PLD5: variants seen among roughly 807,000 people sequenced by gnomAD.
The protein encoded by PLD5 is phospholipase D family member 5.
In PLD5, 36 loss-of-function variants were observed where a neutral mutation model predicts 61.1. That is an observed-to-expected ratio of 0.59 (90% confidence interval 0.45 to 0.78). The LOEUF (loss-of-function observed/expected upper bound fraction) is 0.78. Among genes scored for constraint, PLD5 ranks in the 30% least tolerant of loss-of-function variants. The pLI is 0.00. For synonymous variants in PLD5, 243 were observed against 242.8 expected, an observed-to-expected ratio of 1.00 and a Z score of -0.01; for missense variants, 515 against 644.4, an observed-to-expected ratio of 0.80 and a Z score of 2.17.
chr1:242,202,708 A>G (rs1669057252), intron 5 of PLD5, among the ~76,000 whole-genome samples: 1 of 152,218 alleles, frequency 6.6e-6, no homozygotes, highest in African/African-American at 2.4e-5. Context: ...TTATATGGCT[A>G]CTGAACACAC....
intron 9 of PLD5, among the ~76,000 whole-genome samples, chr1:242,096,342 T>C (rs1660225175): frequency 6.6e-6 from 1 of 151,658 alleles, no homozygotes; most frequent in Non-Finnish European, 1.5e-5. Context: ...TTTCCCTTTC[T>C]CTTTTTCTTT....
chr1:242,274,455 C>G (rs1286099139), intron 3 of PLD5, among the ~76,000 whole-genome samples: 1 of 152,156 alleles, frequency 6.6e-6, no homozygotes, highest in Non-Finnish European at 1.5e-5. Flanking sequence ...CAGTCAATGA[C>G]TAAGAAAAGC....
chr1:242,106,258 AT>A (rs1316227749), intron 8 of PLD5, among the ~76,000 whole-genome samples: 2 of 152,230 alleles, frequency 1.3e-5, no homozygotes, highest in East Asian at 3.9e-4. Context: ...TTACGGTTTT[AT>A]TTTAGTTTTT....
At chr1:242,370,554 G>A (rs570315608) in intron 1 of PLD5, among the ~76,000 whole-genome samples, 2 of 152,278 alleles carry the variant, frequency 1.3e-5, no homozygotes, top group African/African-American at 2.4e-5. Context: ...TCACAGAAGA[G>A]TTCCACTTGA....
At chr1:242,184,857 G>A (rs988569456) in intron 5 of PLD5, among the ~76,000 whole-genome samples, 2 of 152,164 alleles carry the variant, frequency 1.3e-5, no homozygotes, top group Non-Finnish European at 2.9e-5. Flanking sequence ...CCGTAGGGGA[G>A]GACAAATGGA....
At chr1:242,495,236 G>A (rs991998733) in intron 1 of PLD5, among the ~76,000 whole-genome samples, 6 of 152,162 alleles carry the variant, frequency 3.9e-5, no homozygotes, top group African/African-American at 1.4e-4. Flanking sequence ...GTGCCCAGCT[G>A]GGAACCATGT....
At chr1:242,247,122 T>C (rs1217992693) in intron 4 of PLD5, among the ~76,000 whole-genome samples, 4 of 152,192 alleles carry the variant, frequency 2.6e-5, no homozygotes, top group African/African-American at 4.8e-5. Flanking sequence ...TAGCTGGGAC[T>C]ACAGGCGCCC....
rs1410506036 is a variant in PLD5, at chr1:242,292,236, G to A, written c.327-3706C>T. 4.6e-5 allele frequency among the ~76,000 whole-genome samples: 7 copies of A among 152,064 alleles called. No homozygotes were observed. In the South Asian group the frequency reaches 6.2e-4, roughly 14 times the overall value. The stretch of plus-strand genomic sequence containing the variant: ...AGTAGTTTCTGCCTCCCCTACAACC[G>A]ATGGATATATTTAAAAAAACAATCC... On this transcript the variant is annotated intron_variant, in intron 2 of 9. Coordinates refer to ENST00000536534, the MANE Select transcript of PLD5 (RefSeq NM_001372062.1).
intron 2 of PLD5, among the ~76,000 whole-genome samples, chr1:242,318,099 C>G (rs1245163558): frequency 1.1e-4 from 16 of 152,252 alleles, no homozygotes; most frequent in African/African-American, 3.9e-4. Context: ...TTAAAAGTGG[C>G]TCGCCTAAGA....
chr1:242,455,562 A>G (rs1666918993), intron 1 of PLD5, among the ~76,000 whole-genome samples: 1 of 152,212 alleles, frequency 6.6e-6, no homozygotes, highest in East Asian at 1.9e-4. Context: ...AGCCAGGTTC[A>G]GTTCTAATTT....
rs773047156 is a variant in PLD5, at chr1:242,089,856, A to T, written c.1609T>A (p.Ter537LysextTer32). 1.2e-6 allele frequency: 2 copies of T among 1,614,172 alleles called. No individual in the cohort carries two copies. The highest frequency in any genetic ancestry group is 3.3e-5 in the Admixed American group (2 of 60,020). The change falls in exon 10 of 10, where the codon TAA becomes AAA. Residue 537 changes from the stop codon to lysine, a stop_lost. Transcript: ENST00000536534. ...DTGGKDPRNV[*>K] ...GTCCTGTCAGTTTCTTCATCATGTT[A>T]TACGTTCCGGGGATCCTTTCCGCCT...
intron 5 of PLD5, among the ~76,000 whole-genome samples, chr1:242,134,702 C>T (rs1241634620): frequency 6.6e-6 from 1 of 152,210 alleles, no homozygotes; most frequent in Non-Finnish European, 1.5e-5. Context: ...GCTCGCTGGA[C>T]TTCTCCTCCT....
At chr1:242,300,745 TGC>T in intron 2 of PLD5, among the ~76,000 whole-genome samples, 1 of 4,830 alleles carries the variant, frequency 2.1e-4, no homozygotes, top group Non-Finnish European at 9.0e-4. Flanking sequence ...AGAAATGGGT[TGC>T]AGCGGGACAA....
intron 5 of PLD5, among the ~76,000 whole-genome samples, chr1:242,168,422 A>C (rs1377247616): frequency 6.6e-6 from 1 of 152,210 alleles, no homozygotes; most frequent in Non-Finnish European, 1.5e-5. Context: ...TAGTTTTGGC[A>C]ATAAGAGCTT....
At chr1:242,321,230 GGA>G (rs1658383351) in intron 2 of PLD5, among the ~76,000 whole-genome samples, 1 of 151,046 alleles carries the variant, frequency 6.6e-6, no homozygotes, top group South Asian at 2.1e-4. Context: ...AAAAAATAAT[GGA>G]GAGTTTGACA....
At chr1:242,238,761 T>C (rs947847893) in intron 4 of PLD5, among the ~76,000 whole-genome samples, 4 of 152,190 alleles carry the variant, frequency 2.6e-5, no homozygotes, top group East Asian at 1.9e-4. Flanking sequence ...TTCAATGATA[T>C]GGCTATTTGA....
chr1:242,220,897 C>T (rs770067637), intron 4 of PLD5, among the ~76,000 whole-genome samples: 5 of 151,874 alleles, frequency 3.3e-5, no homozygotes, highest in Admixed American at 6.6e-5. Context: ...CCACTATGCC[C>T]GGCTAATTTT....
rs546201682 is a variant in PLD5, at chr1:242,088,152, T to C, written c.*1702A>G. 1 of 152,330 alleles carries C rather than the reference T, an allele frequency of 6.6e-6. No individual in the cohort carries two copies. Among genetic ancestry groups the C allele is most frequent in the African/African-American group, 2.4e-5 (1 of 41,576 alleles). 9.4% of individuals were successfully genotyped at this position (152,330 alleles called of 1,614,324 possible). On this transcript the variant is annotated 3_prime_UTR_variant, in exon 10 of 10. Coordinates refer to ENST00000536534, the MANE Select transcript of PLD5 (RefSeq NM_001372062.1). ...GAAATGAAAAAGAATAACTGAGTGT[T>C]TCCTTGCTCTGAAAATACATGTATA...
intron 5 of PLD5, among the ~76,000 whole-genome samples, chr1:242,219,746 G>T (rs1380249460): frequency 1.3e-5 from 2 of 152,238 alleles, no homozygotes; most frequent in Non-Finnish European, 2.9e-5. Context: ...TCAGGAATCT[G>T]GGAGCAGCCT....
Sources: gnomAD v4.1 joint callset for allele counts (sites outside exome capture counted in the v4.1 genomes callset) on GRCh38, gnomAD v4.1.1 for gene constraint, MANE v1.5 for transcripts, NCBI Gene and HGNC (gene_info 2026-07-23, HGNC 2026-07-21) for gene names.